Variants in CEP85 observed in about 807,000 individuals in gnomAD.
The protein encoded by CEP85 is centrosomal protein 85, also known as centrosomal protein of 85 kDa.
Under a neutral mutation model 93.7 loss-of-function variants are expected in CEP85, and 58 were observed. The ratio of observed to expected loss-of-function variants is 0.62; its 90% CI spans 0.50 to 0.77. The LOEUF is 0.77. CEP85 is among the 30% of genes least tolerant of loss of function. CEP85 has a pLI of 0.00. For synonymous variants in CEP85, 314 were observed against 338.6 expected (o/e 0.93, Z 0.80); for missense variants, 868 against 922.0 (o/e 0.94, Z 0.76).
chr1:26,275,736 C>G (rs2090044607), intron 12 of CEP85, among the ~76,000 whole-genome samples: 1 of 152,230 alleles, frequency 6.6e-6, no homozygotes, highest in African/African-American at 2.4e-5. Context: ...AGTTCACTGA[C>G]TGGCCTAGTG....
intron 7 of CEP85, among the ~76,000 whole-genome samples, chr1:26,260,340 A>T (rs1444871153): frequency 6.6e-6 from 1 of 152,042 alleles, no homozygotes; most frequent in Non-Finnish European, 1.5e-5. Flanking sequence ...AAAATGCAAA[A>T]ATTAGCTGGG....
chr1:26,245,787 G>A (rs2089500274), intron 3 of CEP85, among the ~76,000 whole-genome samples: 3 of 152,078 alleles, frequency 2.0e-5, no homozygotes, highest in Admixed American at 6.5e-5. Context: ...GTGATTGAAT[G>A]AGTTTCTTAA....
At chr1:26,239,660 G>T in intron 1 of CEP85, 102 bp from the exon 2 acceptor site, 1 of 763,592 alleles carries the variant, frequency 1.3e-6, no homozygotes. Flanking sequence ...CCAAATACTT[G>T]AATATTCTAT....
intron 4 of CEP85, among the ~76,000 whole-genome samples, chr1:26,256,840 G>A (rs986695932): frequency 2.0e-5 from 3 of 151,206 alleles, no homozygotes; most frequent in Admixed American, 1.3e-4. Context: ...CTTGTGATCC[G>A]CCCGCCTCAG....
intron 3 of CEP85, among the ~76,000 whole-genome samples, chr1:26,244,975 C>T (rs139734985): frequency 1.2e-4 from 18 of 152,238 alleles, no homozygotes; most frequent in African/African-American, 2.9e-4. Flanking sequence ...GTTCTGTGAT[C>T]GTCCCTATCC....
chr1:26,251,717 A>G (rs971602207), intron 3 of CEP85, among the ~76,000 whole-genome samples: 1 of 152,202 alleles, frequency 6.6e-6, no homozygotes, highest in Non-Finnish European at 1.5e-5. Flanking sequence ...TGGGGGACAG[A>G]CACTTTCAAA....
At chr1:26,256,927 T>TGG (rs1553159975) in intron 4 of CEP85, among the ~76,000 whole-genome samples, 7 of 17,834 alleles carry the variant, frequency 3.9e-4, no homozygotes, top group South Asian at 3.4e-3. Context: ...TGTTTTGTTT[T>TGG]GGTGTGTGTG....
chr1:26,249,482 T>C (rs1450734902), intron 3 of CEP85, among the ~76,000 whole-genome samples: 3 of 152,262 alleles, frequency 2.0e-5, no homozygotes, highest in Admixed American at 2.0e-4. Context: ...TTGTTGCATC[T>C]TTAAATTTAA....
At chr1:26,235,564 A>ATTTTTTTTTTTTTTT (rs1185542130) in intron 1 of CEP85, among the ~76,000 whole-genome samples, 12 of 69,584 alleles carry the variant, frequency 1.7e-4, no homozygotes, top group African/African-American at 6.9e-4. Context: ...TTAGATTGTA[A>ATTTTTTTTTTTTTTT]TTCTTTTTTT....
intron 3 of CEP85, among the ~76,000 whole-genome samples, chr1:26,254,023 C>G (rs976039578): frequency 6.6e-6 from 1 of 151,826 alleles, no homozygotes; most frequent in South Asian, 2.1e-4. Context: ...ATGAGAAGGT[C>G]GTAGCTGATC....
Position 26,277,193 on chromosome 1 carries a change from T to G in CEP85, c.2186T>G (p.Leu729Arg). The change falls in exon 14 of 14, where the codon CTA (leucine) becomes CGA (arginine). Residue 729 changes from leucine (L) to arginine (R), a missense_variant. Leu to Arg is a moderately radical substitution (Grantham distance 102). Coordinates refer to ENST00000451429, the MANE Select transcript of CEP85 (RefSeq NM_001319944.2). ...AAGCCAGATGTGATCAAGAGGAAACTAGAAGAGGTTCAACAGCTGCGTCGT... is the reference window on the plus strand; with the variant it reads ...AAGCCAGATGTGATCAAGAGGAAACGAGAAGAGGTTCAACAGCTGCGTCGT... The part of the protein sequence containing the change: ...LQKPDVIKRK[L>R]EEVQQLRRDI... 1 of 1,614,134 alleles carries G rather than the reference T, an allele frequency of 6.2e-7. No homozygotes were observed. Among genetic ancestry groups the G allele is most frequent in the Non-Finnish European group, 8.5e-7 (1 of 1,179,972 alleles).
intron 11 of CEP85, among the ~76,000 whole-genome samples, chr1:26,274,105 A>C (rs1318505935): frequency 2.0e-5 from 3 of 152,024 alleles, no homozygotes; most frequent in Non-Finnish European, 4.4e-5. Flanking sequence ...TTTGAGGAAA[A>C]ATTGAATGAA....
At position 26,274,710 on chromosome 1, in the gene CEP85, T is replaced by G. The variant is rs573273885; in HGVS notation, c.1795-254T>G. On this transcript the variant is annotated intron_variant, in intron 11 of 13. Coordinates refer to ENST00000451429, the MANE Select transcript of CEP85 (RefSeq NM_001319944.2). ...GCCATGTGGAGGGTGGAAAGAGATA[T>G]GACTAGAAAAGTAGGTAGGAGCTAC... Among the ~76,000 whole-genome samples the G allele has an allele frequency of 6.6e-5, 10 of 152,258 alleles. No individual in the cohort carries two copies. In the East Asian group the frequency reaches 1.9e-3, roughly 29 times the overall value.
chr1:26,244,306 G>A lies in CEP85; in HGVS notation c.196G>A (p.Asp66Asn), dbSNP rs1390356211. 3.7e-6 allele frequency: 6 copies of A among 1,613,592 alleles called. No homozygotes were observed. In the South Asian group the frequency reaches 6.6e-5, roughly 18 times the overall value. Residue 66 changes from aspartate (D) to asparagine (N), a missense_variant, in exon 3 of 14, where the codon GAT becomes AAT. Asp to Asn is a conservative substitution (Grantham distance 23). Transcript: ENST00000451429. ...CACAGCCATTGGTACATCATGCTCA[G>A]ATATTGCGGAGGGTAAGTTTGTATT... is the stretch of plus-strand genomic sequence containing the variant. ...GDTAIGTSCS[D>N]IAEDFCSSSG... is the part of the protein sequence containing the mutation.
rs71004567 is a variant in CEP85 at position 26,241,244 on chromosome 1, A to ATTTTTTTTTTTTTTT, written c.55+1408_55+1422dup. Among the ~76,000 whole-genome samples the ATTTTTTTTTTTTTTT allele has an allele frequency of 2.3e-4, 25 of 109,280 alleles. 1 individual carries two copies. Among genetic ancestry groups the ATTTTTTTTTTTTTTT allele is most frequent in the African/African-American group, 4.2e-4 (12 of 28,432 alleles). The allele number at this position is 109,280 out of a possible 152,430, so 71.7% of individuals were successfully genotyped here. A position where few individuals can be genotyped will look rare whatever the true frequency, so the allele number is the denominator to read the frequency against. On this transcript the variant is annotated intron_variant, in intron 2 of 13. Coordinates refer to ENST00000451429, the MANE Select transcript of CEP85 (RefSeq NM_001319944.2). ...ATCAATTCAAGATTCATTCAGCAGA[A>ATTTTTTTTTTTTTTT]TTTTTTTTTTTTTTTTGAAATGGAG...
chr1:26,246,683 C>G (rs1022951972), intron 3 of CEP85, among the ~76,000 whole-genome samples: 2 of 150,236 alleles, frequency 1.3e-5, no homozygotes, highest in Non-Finnish European at 2.9e-5. Flanking sequence ...GAGGTGAGAT[C>G]GTGCCATTGC....
chr1:26,239,215 A>G (rs971971753), intron 1 of CEP85, among the ~76,000 whole-genome samples: 3 of 152,194 alleles, frequency 2.0e-5, no homozygotes, highest in African/African-American at 7.2e-5. Context: ...TAGGTTTTCT[A>G]TACTGGATTT....
At position 26,255,354 on chromosome 1, in the gene CEP85, G is replaced by C; in HGVS notation, c.392G>C (p.Arg131Thr). 1 of 1,614,138 alleles carries C rather than the reference G, an allele frequency of 6.2e-7. No homozygotes were observed. Among genetic ancestry groups the C allele is most frequent in the Non-Finnish European group, 8.5e-7 (1 of 1,180,028 alleles). The part of the protein sequence containing the change: ...SGLAESVGMT[R>T]NGDLGAMKHS... The stretch of plus-strand genomic sequence containing the variant: ...TTGGCTGAAAGTGTGGGAATGACAA[G>C]AAATGGAGACCTCGGTGCAATGAAA... The change falls in exon 4 of 14, where the codon AGA becomes ACA. Residue 131 changes from arginine to threonine, a missense_variant. By Grantham distance (71) the Arg-to-Thr change is moderately conservative (BLOSUM62 -1). Transcript: ENST00000451429.
At position 26,265,158 on chromosome 1, in the gene CEP85, A is replaced by G. The variant is rs1248946425; in HGVS notation, c.1342-3325A>G. On this transcript the variant is annotated intron_variant, in intron 7 of 13. Coordinates refer to ENST00000451429, the MANE Select transcript of CEP85 (RefSeq NM_001319944.2). ...ACCACCATGCCCGGCTAATTTTTGT[A>G]TTTTTAGTAGAGACAGGATTTTGCC... Among the ~76,000 whole-genome samples, 7 of 151,510 alleles carry G rather than the reference A, an allele frequency of 4.6e-5. No individual in the cohort carries two copies. In the East Asian group the frequency reaches 1.4e-3, roughly 29 times the overall value.
Sources: allele counts gnomAD v4.1 joint callset (sites outside exome capture counted in the v4.1 genomes callset), GRCh38; gene constraint gnomAD v4.1.1; transcripts MANE v1.5; gene names NCBI Gene and HGNC (gene_info 2026-07-23, HGNC 2026-07-21).